The following PTPRN2 variants were observed in gnomAD, a reference collection of about 807,000 sequenced individuals.
PTPRN2 encodes the protein protein tyrosine phosphatase receptor type N2.
In PTPRN2, 74 loss-of-function variants were observed where a neutral mutation model predicts 118.8. The ratio of observed to expected loss-of-function variants is 0.62; its 90% CI spans 0.52 to 0.76. PTPRN2 has a LOEUF of 0.76. Ranked by LOEUF, PTPRN2 falls within the 30% of genes least tolerant of loss-of-function variation. PTPRN2 has a pLI of 0.00. For synonymous variants in PTPRN2, 641 were observed against 608.0 expected, an observed-to-expected ratio of 1.05 and a Z score of -0.80; for missense variants, 1,481 against 1,394.4, an observed-to-expected ratio of 1.06 and a Z score of -0.99.
At chr7:158,261,763 G>A (rs560413368) in intron 3 of PTPRN2, among the ~76,000 whole-genome samples, 261 of 152,322 alleles carry the variant, frequency 1.7e-3, no homozygotes, top group African/African-American at 6.2e-3. Context: ...CCTCTTCAGG[G>A]CACCGCCATG....
At chr7:157,877,075 G>A (rs1795811947) in intron 12 of PTPRN2, among the ~76,000 whole-genome samples, 2 of 151,918 alleles carry the variant, frequency 1.3e-5, no homozygotes, top group Non-Finnish European at 2.9e-5. Context: ...GTTTCCTCGG[G>A]GACCCCGGGT....
intron 3 of PTPRN2, among the ~76,000 whole-genome samples, chr7:158,296,561 G>A (rs761558994): frequency 6.6e-6 from 1 of 152,118 alleles, no homozygotes; most frequent in Non-Finnish European, 1.5e-5. Flanking sequence ...CACAGACGGC[G>A]AAACTAAAAA....
At chr7:158,398,723 T>C (rs1812715657) in intron 2 of PTPRN2, among the ~76,000 whole-genome samples, 1 of 152,200 alleles carries the variant, frequency 6.6e-6, no homozygotes, top group South Asian at 2.1e-4. Flanking sequence ...TTCATCTCCA[T>C]ATCTCCACAT....
chr7:158,506,177 G>A (rs941727918), intron 1 of PTPRN2, among the ~76,000 whole-genome samples: 2 of 152,216 alleles, frequency 1.3e-5, no homozygotes, highest in Non-Finnish European at 2.9e-5. Flanking sequence ...CTCCATGGGA[G>A]GCTTCGGCGT....
At chr7:158,325,544 T>A (rs1378838214) in intron 2 of PTPRN2, among the ~76,000 whole-genome samples, 2 of 152,216 alleles carry the variant, frequency 1.3e-5, no homozygotes, top group East Asian at 1.9e-4. Flanking sequence ...CATATTAAGG[T>A]AAATGGTATG....
Position 158,365,894 on chromosome 7 carries a change from C to T in PTPRN2, c.164-48962G>A, listed in dbSNP as rs113015775. The stretch of plus-strand genomic sequence containing the variant: ...CTGGGAGAAGCCGCAGCCCAATGCA[C>T]GCGTGCACACACACACACACACTGC... On this transcript the variant is annotated intron_variant, in intron 2 of 22. Coordinates refer to ENST00000389418, the MANE Select transcript of PTPRN2 (RefSeq NM_002847.5). 1.6e-4 allele frequency among the ~76,000 whole-genome samples: 22 copies of T among 139,050 alleles called. 1 individual carries two copies. Among genetic ancestry groups the T allele is most frequent in the Admixed American group, 5.8e-4 (8 of 13,726 alleles). 91.2% of individuals were successfully genotyped at this position (139,050 alleles called of 152,430 possible).
chr7:158,278,676 A>C (rs1460605163), intron 3 of PTPRN2, among the ~76,000 whole-genome samples: 1 of 152,222 alleles, frequency 6.6e-6, no homozygotes, highest in African/African-American at 2.4e-5. Flanking sequence ...TGAGTGTTAC[A>C]GTTTTTAAAG....
At chr7:158,239,904 G>T (rs1038922984) in intron 3 of PTPRN2, among the ~76,000 whole-genome samples, 8 of 152,162 alleles carry the variant, frequency 5.3e-5, no homozygotes, top group African/African-American at 1.9e-4. Flanking sequence ...GTGGATGAAG[G>T]GAACGTAGAT....
Position 157,610,772 on chromosome 7 carries a change from A to C in PTPRN2, c.2345-6697T>G, listed in dbSNP as rs370728143. Reference sequence around the variant, plus strand: ...CAGCAACAGCGTGATGACAGAACGCATTCTGAAGGGGCAGGTCCTCTTCCT... The same window carrying C: ...CAGCAACAGCGTGATGACAGAACGCCTTCTGAAGGGGCAGGTCCTCTTCCT... On this transcript the variant is annotated intron_variant, in intron 15 of 22. Transcript: ENST00000389418. This position sits in a 1 kb window ranked among gnomAD's most constrained non-coding sequence, Gnocchi z 5.1. Among the ~76,000 whole-genome samples the C allele has an allele frequency of 6.6e-6, 1 of 152,244 alleles. No homozygotes were observed. The highest frequency in any genetic ancestry group is 1.5e-5 in the Non-Finnish European group (1 of 68,048).
Position 158,555,844 on chromosome 7 carries a change from T to C in PTPRN2, c.112+31714A>G, listed in dbSNP as rs1826946831. On this transcript the variant is annotated intron_variant, in intron 1 of 22. Coordinates refer to ENST00000389418, the MANE Select transcript of PTPRN2 (RefSeq NM_002847.5). The surrounding 1 kb of genome is among the most constrained non-coding windows in gnomAD (Gnocchi z 4.7). ...AGGATGATGAAGACACATCCTATCT[T>C]CGAGGACCCAGCTCGCAGAGAACAA... Among the ~76,000 whole-genome samples, 1 of 151,380 alleles carries C rather than the reference T, an allele frequency of 6.6e-6. No individual in the cohort carries two copies. The highest frequency in any genetic ancestry group is 2.1e-4 in the South Asian group (1 of 4,816).
At chr7:158,466,982 A>AAG (rs1427840621) in intron 2 of PTPRN2, among the ~76,000 whole-genome samples, 3 of 152,232 alleles carry the variant, frequency 2.0e-5, no homozygotes, top group African/African-American at 7.2e-5. Context: ...CAGAGGTTGC[A>AAG]GTGAGCTGAG....
chr7:158,312,911 G>C (rs969914540), intron 3 of PTPRN2, among the ~76,000 whole-genome samples: 1 of 151,100 alleles, frequency 6.6e-6, no homozygotes, highest in African/African-American at 2.4e-5. Flanking sequence ...TGCATGTGTG[G>C]GGATGTCTAC....
chr7:157,875,134 A>T (rs913062064), intron 12 of PTPRN2, among the ~76,000 whole-genome samples: 9 of 152,204 alleles, frequency 5.9e-5, no homozygotes, highest in African/African-American at 2.2e-4. Context: ...TACAGGAAGT[A>T]TGTCCCAGGA....
At chr7:157,830,527 T>G (rs919549620) in intron 12 of PTPRN2, among the ~76,000 whole-genome samples, 1 of 150,848 alleles carries the variant, frequency 6.6e-6, no homozygotes, top group Non-Finnish European at 1.5e-5. Flanking sequence ...ACCGTGCACC[T>G]GCTGTGGCCG....
intron 16 of PTPRN2, among the ~76,000 whole-genome samples, chr7:157,595,623 G>C (rs1224825933): frequency 6.7e-6 from 1 of 149,766 alleles, no homozygotes; most frequent in South Asian, 2.1e-4. Context: ...TAGGAAGCCA[G>C]GAGGTTAGGA....
intron 6 of PTPRN2, among the ~76,000 whole-genome samples, chr7:158,162,034 A>T (rs1010490757): frequency 2.6e-5 from 4 of 152,160 alleles, no homozygotes; most frequent in Non-Finnish European, 4.4e-5. Context: ...TGACAACGAG[A>T]CACCACCACA....
At chr7:158,342,292 A>G (rs71547511) in intron 2 of PTPRN2, among the ~76,000 whole-genome samples, 1 of 128,952 alleles carries the variant, frequency 7.8e-6, no homozygotes, top group Non-Finnish European at 1.6e-5. Flanking sequence ...CATAGAGCTG[A>G]CACCCGCAGA....
chr7:157,586,285 C>T (rs1485784525), intron 17 of PTPRN2, among the ~76,000 whole-genome samples: 1 of 152,212 alleles, frequency 6.6e-6, no homozygotes, highest in Non-Finnish European at 1.5e-5. Context: ...TGTGACGTAG[C>T]AGCCTCTGAA....
chr7:158,498,372 TA>T, intron 1 of PTPRN2, among the ~76,000 whole-genome samples: 1 of 152,324 alleles, frequency 6.6e-6, no homozygotes, highest in Admixed American at 6.5e-5. Context: ...CTCTTAAGAG[TA>T]AGAAATTGTA....
Sources: allele counts gnomAD v4.1 joint callset (sites outside exome capture counted in the v4.1 genomes callset), GRCh38; gene constraint gnomAD v4.1.1; non-coding constraint Gnocchi (gnomAD v3.1); transcripts MANE v1.5; gene names NCBI Gene and HGNC (gene_info 2026-07-23, HGNC 2026-07-21).